The following TTLL1 variants were observed in gnomAD, a reference collection of about 807,000 sequenced individuals.
TTLL1 encodes TTL family tubulin polyglutamylase complex subunit L1.
Under a neutral mutation model 47.8 loss-of-function variants are expected in TTLL1, and 33 were observed. That is an observed-to-expected ratio of 0.69 (90% confidence interval 0.52 to 0.92). TTLL1 has a LOEUF of 0.92. Ranked by LOEUF, TTLL1 falls within the 40% of genes least tolerant of loss-of-function variation. The probability of loss-of-function intolerance (pLI) is 0.00; values close to 1 mark genes in which losing one functional copy is unlikely to be tolerated. For missense variants in TTLL1, 488 were observed against 547.5 expected, an observed-to-expected ratio of 0.89 and a Z score of 1.08; for synonymous variants, 225 against 214.1, an observed-to-expected ratio of 1.05 and a Z score of -0.45.
chr22:43,046,401 C>A lies in TTLL1; in HGVS notation c.1142+9G>T, dbSNP rs755593979. ...AGAAGGACAAGCGCACAGTCACACA[C>A]ACACTTACAGAATCTCGTAATTGCC... On this transcript the variant is annotated intron_variant, in intron 10 of 10. Transcript: ENST00000266254. 6.2e-7 allele frequency: 1 copy of A among 1,613,986 alleles called. No individual in the cohort carries two copies. Among genetic ancestry groups the A allele is most frequent in the South Asian group, 1.1e-5 (1 of 91,074 alleles).
At chr22:43,054,382 C>T (rs1926851788) in intron 8 of TTLL1, among the ~76,000 whole-genome samples, 1 of 151,816 alleles carries the variant, frequency 6.6e-6, no homozygotes, top group Non-Finnish European at 1.5e-5. Flanking sequence ...AAGAGCTTCA[C>T]TTAAAGTGCA....
At chr22:43,040,799 C>T (rs1330189266) in intron 10 of TTLL1, among the ~76,000 whole-genome samples, 1 of 152,172 alleles carries the variant, frequency 6.6e-6, no homozygotes, top group Non-Finnish European at 1.5e-5. Flanking sequence ...CCTAAGGCCG[C>T]GTGTGCTAAG....
intron 7 of TTLL1, among the ~76,000 whole-genome samples, chr22:43,060,107 G>A (rs565768816): frequency 6.6e-6 from 1 of 152,134 alleles, no homozygotes; most frequent in Non-Finnish European, 1.5e-5. Context: ...ACTGCACTGT[G>A]AGCCACCGCG....
intron 3 of TTLL1, among the ~76,000 whole-genome samples, chr22:43,075,181 A>G (rs1386572650): frequency 4.6e-5 from 7 of 152,120 alleles, no homozygotes; most frequent in Non-Finnish European, 7.4e-5. Context: ...TGGCCCAGCT[A>G]TAACGCACGC....
chr22:43,075,398 T>C, intron 3 of TTLL1, 76 bp downstream of exon 3: 1 of 1,258,680 alleles, frequency 7.9e-7, no homozygotes. Context: ...GAGGCCACTC[T>C]CTGGGAGGCA....
intron 9 of TTLL1, among the ~76,000 whole-genome samples, chr22:43,047,275 T>C (rs1322166682): frequency 1.3e-5 from 2 of 152,104 alleles, no homozygotes; most frequent in Admixed American, 1.3e-4. Flanking sequence ...CAAAAGGCAA[T>C]GGGCTCCCTT....
intron 6 of TTLL1, 100 bp downstream of exon 6, chr22:43,064,090 C>G: frequency 6.5e-7 from 1 of 1,549,274 alleles, no homozygotes; most frequent in East Asian, 2.3e-5. Flanking sequence ...CCAGGCACCG[C>G]ACATGCACTG....
intron 10 of TTLL1, among the ~76,000 whole-genome samples, chr22:43,045,669 C>T (rs1007500980): frequency 1.3e-5 from 2 of 152,000 alleles, no homozygotes; most frequent in African/African-American, 4.8e-5. Context: ...TGAGTTCCTC[C>T]CTGTCACCCA....
At chr22:43,042,886 CTTG>C (rs1486482261) in intron 10 of TTLL1, among the ~76,000 whole-genome samples, 2 of 151,802 alleles carry the variant, frequency 1.3e-5, no homozygotes, top group East Asian at 3.9e-4. Flanking sequence ...GGGGGTTCAC[CTTG>C]TTGTCTCTTC....
intron 10 of TTLL1, among the ~76,000 whole-genome samples, chr22:43,046,026 GC>G (rs1422284661): frequency 6.6e-6 from 1 of 152,098 alleles, no homozygotes; most frequent in Non-Finnish European, 1.5e-5. Flanking sequence ...TTCAAGACCA[GC>G]CTGGCCAACG....
In TTLL1 at chr22:43,059,385, G is replaced by GC. The variant is rs755489574; in HGVS notation, c.889dup (p.Ala297GlyfsTer7). ...CTCCCCCGCCCGCACCAAACTCACC[G>GC]CCACAGCCTTCAGGGACTGCACGAT... On this transcript the variant is annotated frameshift_variant and splice_region_variant, in exon 8 of 11. Coordinates refer to ENST00000266254, the MANE Select transcript of TTLL1 (RefSeq NM_012263.5). LOFTEE classifies it high-confidence loss of function. 4 of 1,609,738 alleles carry GC rather than the reference G, an allele frequency of 2.5e-6. No individual in the cohort carries two copies. The Admixed American group carries it at 5.0e-5, about 20-fold the overall frequency.
intron 1 of TTLL1, among the ~76,000 whole-genome samples, chr22:43,084,540 C>T (rs1234613184): frequency 1.9e-4 from 28 of 146,214 alleles, no homozygotes; most frequent in East Asian, 1.5e-3. Flanking sequence ...CTTGCTCAAT[C>T]GCCCAGGCTG....
intron 8 of TTLL1, chr22:43,052,155 A>G (rs1419917098): frequency 4.4e-6 from 2 of 455,818 alleles, no homozygotes; most frequent in Admixed American, 6.8e-5. Flanking sequence ...ACTAGCACCC[A>G]ACCCCTCTGT....
intron 1 of TTLL1, among the ~76,000 whole-genome samples, chr22:43,081,198 G>T (rs5759148): frequency 0.35 from 53,291 of 151,822 alleles, 11,299 homozygotes; most frequent in Non-Finnish European, 0.47. Flanking sequence ...TGACAAGCGT[G>T]AGCCACCGCG....
chr22:43,074,388 T>C lies in TTLL1; in HGVS notation c.113+1086A>G, dbSNP rs148162203. Among the ~76,000 whole-genome samples the C allele has an allele frequency of 6.2e-3, 799 of 129,030 alleles. 4 individuals are homozygous for C. The highest frequency in any genetic ancestry group is 9.7e-3 in the Middle Eastern group (2 of 206). The allele number at this position is 129,030 out of a possible 152,430, so 84.6% of individuals were successfully genotyped here. On this transcript the variant is annotated intron_variant, in intron 3 of 10. Transcript: ENST00000266254. ...GTTGCAATGAGCCGAGATTGCCCCA[T>C]GGCACTCCAGTCTGGGTGACAGGAG...
At chr22:43,084,860 G>GT (rs1443579936) in intron 1 of TTLL1, among the ~76,000 whole-genome samples, 3 of 151,118 alleles carry the variant, frequency 2.0e-5, no homozygotes, top group Non-Finnish European at 2.9e-5. Context: ...TTAGGTTGGA[G>GT]TAATTCTAGC....
chr22:43,049,601 CAAAA>C, intron 9 of TTLL1, among the ~76,000 whole-genome samples: 1 of 105,446 alleles, frequency 9.5e-6, no homozygotes, highest in Non-Finnish European at 2.0e-5. Context: ...CCCATCTCCA[CAAAA>C]AAAAAAAAAA....
intron 9 of TTLL1, among the ~76,000 whole-genome samples, chr22:43,048,666 G>A (rs888364479): frequency 4.0e-5 from 6 of 149,604 alleles, no homozygotes; most frequent in African/African-American, 1.5e-4. Context: ...GGCCAGACAT[G>A]GTGGCTCAAA....
At chr22:43,065,382 T>A (rs1927663031) in intron 5 of TTLL1, among the ~76,000 whole-genome samples, 1 of 150,388 alleles carries the variant, frequency 6.6e-6, no homozygotes, top group South Asian at 2.1e-4. Context: ...CTCCACCTCC[T>A]GGGTTAAAAT....
Sources: allele counts gnomAD v4.1 joint callset (sites outside exome capture counted in the v4.1 genomes callset), GRCh38; gene constraint gnomAD v4.1.1; transcripts MANE v1.5; gene names NCBI Gene and HGNC (gene_info 2026-07-23, HGNC 2026-07-21).